ARHGEF33: variants seen among roughly 807,000 people sequenced by gnomAD.
ARHGEF33 encodes DH and coiled-coil domain-containing protein ENSP00000381780.
In ARHGEF33, 72 loss-of-function variants were observed where a neutral mutation model predicts 101.9. The observed-to-expected ratio is 0.71, with a 90% confidence interval of 0.58 to 0.86. The LOEUF (loss-of-function observed/expected upper bound fraction) is 0.86, where lower values mean the gene tolerates loss of function less well. Among genes scored for constraint, ARHGEF33 ranks in the 40% least tolerant of loss-of-function variants. ARHGEF33 has a pLI of 0.00. For synonymous variants in ARHGEF33, 499 were observed against 442.5 expected, an observed-to-expected ratio of 1.13 and a Z score of -1.60; for missense variants, 1,169 against 1,111.3, an observed-to-expected ratio of 1.05 and a Z score of -0.74.
Position 38,944,024 on chromosome 2 carries a change from A to G in ARHGEF33, c.914A>G (p.Glu305Gly), listed in dbSNP as rs758277834. 1.4e-5 allele frequency: 21 copies of G among 1,550,010 alleles called. No homozygotes were observed. In the South Asian group the frequency reaches 2.4e-4, roughly 18 times the overall value. Reference sequence around the variant, plus strand: ...TCAGATGGAAAGAGGAATTCCAAAGAGAGAAGGTATCCATGCACTCATTGC... The same window carrying G: ...TCAGATGGAAAGAGGAATTCCAAAGGGAGAAGGTATCCATGCACTCATTGC... Reference protein sequence around the residue: ...QGSDGKRNSKERSLFPGSLRY... With the variant: ...QGSDGKRNSKGRSLFPGSLRY... The change falls in exon 10 of 18, where the codon GAG becomes GGG. Residue 305 changes from glutamate to glycine, a missense_variant. By Grantham distance (98) the Glu-to-Gly change is moderately conservative. Transcript: ENST00000409978.
chr2:38,953,114 G>C (rs1305902470), intron 11 of ARHGEF33, 48 bp from the exon 12 acceptor site: 1 of 845,892 alleles, frequency 1.2e-6, no homozygotes, highest in African/African-American at 1.7e-5. Context: ...AAATATTATA[G>C]ATCCTGTTTT....
intron 2 of ARHGEF33, among the ~76,000 whole-genome samples, chr2:38,903,527 G>A (rs1666297501): frequency 1.3e-5 from 2 of 152,006 alleles, no homozygotes; most frequent in South Asian, 4.2e-4. Flanking sequence ...AGACACTAGG[G>A]GACAAAGGCA....
At chr2:38,955,205 C>T (rs1179074550) in intron 13 of ARHGEF33, among the ~76,000 whole-genome samples, 1 of 152,186 alleles carries the variant, frequency 6.6e-6, no homozygotes, top group African/African-American at 2.4e-5. Flanking sequence ...CCATGCCATG[C>T]TTAAGCTTTA....
chr2:38,969,213 G>A (rs906126928), intron 17 of ARHGEF33, among the ~76,000 whole-genome samples: 4 of 152,134 alleles, frequency 2.6e-5, no homozygotes, highest in African/African-American at 7.2e-5. Context: ...GGTCAGGCTG[G>A]CAGCAAGCCC....
intron 2 of ARHGEF33, among the ~76,000 whole-genome samples, chr2:38,906,390 T>C (rs1417834729): frequency 2.0e-5 from 3 of 152,038 alleles, no homozygotes; most frequent in Admixed American, 6.6e-5. Flanking sequence ...AATCAAAAAA[T>C]AGCTTCTTAG....
chr2:38,970,000 G>A (rs1668131387), intron 17 of ARHGEF33, among the ~76,000 whole-genome samples: 1 of 152,202 alleles, frequency 6.6e-6, no homozygotes. Context: ...GATGGCAGAT[G>A]TGGCAGTGGG....
intron 9 of ARHGEF33, 46 bp downstream of exon 9, chr2:38,937,605 T>C (rs1486993284): frequency 2.6e-6 from 3 of 1,139,168 alleles, no homozygotes; most frequent in South Asian, 2.8e-5. Context: ...AAGAACAGGA[T>C]GTACCAGAGC....
intron 2 of ARHGEF33, among the ~76,000 whole-genome samples, chr2:38,910,985 G>A (rs554763842): frequency 6.6e-6 from 1 of 152,240 alleles, no homozygotes; most frequent in African/African-American, 2.4e-5. Flanking sequence ...ATGAGCTATG[G>A]CTTCCTTGGG....
chr2:38,889,928 A>G lies in ARHGEF33; in HGVS notation c.-217A>G, dbSNP rs1475529831. Reference sequence around the variant, plus strand: ...GCTTCTTTTTATAACCTTTAAGTTAATTCAGAACCCAGATAAGCCTTGATC... The same window carrying G: ...GCTTCTTTTTATAACCTTTAAGTTAGTTCAGAACCCAGATAAGCCTTGATC... On this transcript the variant is annotated 5_prime_UTR_variant, in exon 1 of 18. Coordinates refer to ENST00000409978, the MANE Select transcript of ARHGEF33 (RefSeq NM_001145451.5). The G allele has an allele frequency of 4.2e-6, 2 of 470,926 alleles. No individual in the cohort carries two copies. Among genetic ancestry groups the G allele is most frequent in the Non-Finnish European group, 8.8e-6 (2 of 226,998 alleles). 29.2% of individuals were successfully genotyped at this position (470,926 alleles called of 1,614,324 possible).
chr2:38,935,644 CTT>C (rs5830547), intron 7 of ARHGEF33, 129 bp from the exon 8 acceptor site: 1 of 650,476 alleles, frequency 1.5e-6, no homozygotes, highest in Non-Finnish European at 2.6e-6. Flanking sequence ...ACTGTAATTT[CTT>C]TTTTTTACTG....
chr2:38,968,722 G>A (rs1668104188), intron 17 of ARHGEF33, among the ~76,000 whole-genome samples: 1 of 152,184 alleles, frequency 6.6e-6, no homozygotes, highest in South Asian at 2.1e-4. Context: ...AAAATCCGAA[G>A]TGTTGTCTGA....
chr2:38,892,991 T>G (rs1666038766), intron 1 of ARHGEF33, among the ~76,000 whole-genome samples: 1 of 152,142 alleles, frequency 6.6e-6, no homozygotes, highest in Non-Finnish European at 1.5e-5. Flanking sequence ...GCTTAAACAT[T>G]TTCAATGACT....
intron 9 of ARHGEF33, among the ~76,000 whole-genome samples, chr2:38,941,036 G>A (rs917997784): frequency 6.6e-6 from 1 of 152,184 alleles, no homozygotes; most frequent in African/African-American, 2.4e-5. Context: ...CAGTAGTGAT[G>A]TTATCTATAG....
chr2:38,946,948 C>G (rs1217821497), intron 10 of ARHGEF33, among the ~76,000 whole-genome samples: 2 of 152,132 alleles, frequency 1.3e-5, no homozygotes, highest in Non-Finnish European at 2.9e-5. Flanking sequence ...TTAAATAGAC[C>G]AGCTGAAGGA....
chr2:38,940,315 G>A (rs1403811531), intron 9 of ARHGEF33, among the ~76,000 whole-genome samples: 1 of 151,896 alleles, frequency 6.6e-6, no homozygotes, highest in Non-Finnish European at 1.5e-5. Context: ...TTTTTCAGAG[G>A]TGGGGGTTTC....
intron 9 of ARHGEF33, among the ~76,000 whole-genome samples, chr2:38,943,148 G>C (rs1363168623): frequency 2.0e-5 from 3 of 152,084 alleles, no homozygotes; most frequent in Non-Finnish European, 4.4e-5. Context: ...GGCTGGTCTC[G>C]AACTCCTGAC....
At chr2:38,915,247 G>A (rs1467116449) in intron 2 of ARHGEF33, among the ~76,000 whole-genome samples, 4 of 152,216 alleles carry the variant, frequency 2.6e-5, no homozygotes, top group East Asian at 3.9e-4. Context: ...TAATAATTAT[G>A]TAAAACATTC....
chr2:38,908,918 C>T (rs1666451915), intron 2 of ARHGEF33, among the ~76,000 whole-genome samples: 1 of 152,208 alleles, frequency 6.6e-6, no homozygotes, highest in Non-Finnish European at 1.5e-5. Context: ...ATATTTACCA[C>T]TAAGTCTTTA....
intron 1 of ARHGEF33, among the ~76,000 whole-genome samples, chr2:38,894,656 T>G (rs952128512): frequency 3.3e-5 from 5 of 152,144 alleles, no homozygotes; most frequent in Admixed American, 6.5e-5. Context: ...CTCACTGATG[T>G]TCAGCCAGCA....
Sources: gnomAD v4.1 joint callset for allele counts (sites outside exome capture counted in the v4.1 genomes callset) on GRCh38, gnomAD v4.1.1 for gene constraint, MANE v1.5 for transcripts, NCBI Gene and HGNC (gene_info 2026-07-23, HGNC 2026-07-21) for gene names.